HAUS6: variants seen among roughly 807,000 people sequenced by gnomAD.
HAUS6 encodes the protein HAUS augmin like complex subunit 6.
In HAUS6, 80 loss-of-function variants were observed where a neutral mutation model predicts 106.8. The observed-to-expected ratio is 0.75, with a 90% CI of 0.63 to 0.90. The LOEUF (loss-of-function observed/expected upper bound fraction) is 0.90, where lower values mean the gene tolerates loss of function less well. Ranked by LOEUF, HAUS6 falls within the 40% of genes least tolerant of loss-of-function variation. HAUS6 has a pLI of 0.00. For missense variants in HAUS6, 1,155 were observed against 1,118.1 expected (o/e 1.03, Z -0.47); for synonymous variants, 356 against 379.1 (o/e 0.94, Z 0.71).
chr9:19,087,605 T>C (rs2131143057), intron 5 of HAUS6, among the ~76,000 whole-genome samples: 1 of 152,214 alleles, frequency 6.6e-6, no homozygotes, highest in Admixed American at 6.5e-5. Flanking sequence ...CTGTAATGCC[T>C]ATATTTTGGG....
In HAUS6 at chr9:19,102,660, T is replaced by A. The variant is rs1378197812; in HGVS notation, c.-9A>T. The A allele has an allele frequency of 3.1e-6, 5 of 1,609,486 alleles. No homozygotes were observed. The East Asian group carries it at 9.0e-5, about 29-fold the overall frequency. ...ACCGAGGCCGAGCTCATCCTCGCGG[T>A]AGGCACGGTGGCTGCAAAGAAAGAA... On this transcript the variant is annotated 5_prime_UTR_variant, in exon 1 of 17. Coordinates refer to ENST00000380502, the MANE Select transcript of HAUS6 (RefSeq NM_017645.5).
At chr9:19,086,620 C>CAAA in intron 7 of HAUS6, 114 bp downstream of exon 7, 264 of 369,470 alleles carry the variant, frequency 7.1e-4, no homozygotes, top group South Asian at 1.2e-3. Flanking sequence ...ACTCCAACTC[C>CAAA]AAAAAAAAAA....
chr9:19,057,532 G>A (rs1379378650), intron 16 of HAUS6: 1 of 168,118 alleles, frequency 5.9e-6, no homozygotes, highest in Non-Finnish European at 1.3e-5. Flanking sequence ...ATGGTGCTTT[G>A]TTATGGCAGC....
At position 19,054,396 on chromosome 9, in the gene HAUS6, G is replaced by A. The variant is rs1836426124; in HGVS notation, c.*1947C>T. The A allele has an allele frequency of 6.6e-6, 1 of 152,170 alleles. No homozygotes were observed. Among genetic ancestry groups the A allele is most frequent in the African/African-American group, 2.4e-5 (1 of 41,424 alleles). 9.4% of individuals were successfully genotyped at this position (152,170 alleles called of 1,614,324 possible). A position where few individuals can be genotyped will look rare whatever the true frequency, so the allele number is the denominator to read the frequency against. On this transcript the variant is annotated 3_prime_UTR_variant, in exon 17 of 17. Coordinates refer to ENST00000380502, the MANE Select transcript of HAUS6 (RefSeq NM_017645.5). ...GTAACTATGTAGGAGATACTGGATA[G>A]GGAAAAGGCTGAAGGCAAAAAGCTG...
intron 4 of HAUS6, among the ~76,000 whole-genome samples, chr9:19,091,787 A>T (rs1018846803): frequency 4.6e-5 from 7 of 151,996 alleles, no homozygotes; most frequent in Admixed American, 6.6e-5. Context: ...TCAGCCTCCC[A>T]AGTAGCTGGG....
chr9:19,073,120 C>A (rs974920182), intron 11 of HAUS6, among the ~76,000 whole-genome samples: 1 of 151,796 alleles, frequency 6.6e-6, no homozygotes, highest in Non-Finnish European at 1.5e-5. Flanking sequence ...TAGTGATTAC[C>A]TCTGTGAAAT....
chr9:19,095,471 T>C (rs1001925177), intron 2 of HAUS6, among the ~76,000 whole-genome samples: 1 of 151,184 alleles, frequency 6.6e-6, no homozygotes, highest in African/African-American at 2.4e-5. Flanking sequence ...ATTTTCTGAA[T>C]TACTTAAAAT....
chr9:19,093,323 G>A lies in HAUS6; in HGVS notation c.304-20C>T. On this transcript the variant is annotated intron_variant, in intron 3 of 16. Coordinates refer to ENST00000380502, the MANE Select transcript of HAUS6 (RefSeq NM_017645.5). Reference sequence around the variant, plus strand: ...TTCACCCTATGAAGAAAAGAAATAAGATGATTTGAAGACCTTGTTAACAAT... The same window carrying A: ...TTCACCCTATGAAGAAAAGAAATAAAATGATTTGAAGACCTTGTTAACAAT... The A allele has an allele frequency of 6.3e-7, 1 of 1,585,864 alleles. No homozygotes were observed. Among genetic ancestry groups the A allele is most frequent in the Non-Finnish European group, 8.6e-7 (1 of 1,164,974 alleles).
chr9:19,070,405 A>G (rs1217534090), intron 11 of HAUS6, 105 bp from the exon 12 acceptor site: 1 of 671,640 alleles, frequency 1.5e-6, no homozygotes, highest in Non-Finnish European at 2.7e-6. Context: ...AGAAAACAGA[A>G]AAACCAAAAT....
intron 16 of HAUS6, 52 bp downstream of exon 16, chr9:19,057,909 G>A: frequency 9.4e-7 from 1 of 1,068,866 alleles, no homozygotes; most frequent in Non-Finnish European, 1.4e-6. Context: ...TTTATCAAAA[G>A]TTGAGAGAAA....
At chr9:19,063,970 A>ATTTTTT (rs34187338) in intron 12 of HAUS6, among the ~76,000 whole-genome samples, 1 of 135,796 alleles carries the variant, frequency 7.4e-6, no homozygotes, top group Non-Finnish European at 1.6e-5. Flanking sequence ...CCTTTATTTT[A>ATTTTTT]TTTTTTTTTT....
chr9:19,099,291 C>G (rs576740194), intron 1 of HAUS6, among the ~76,000 whole-genome samples: 60 of 151,618 alleles, frequency 4.0e-4, no homozygotes, highest in African/African-American at 1.4e-3. Flanking sequence ...CTCAGCCTCC[C>G]GAATAGCTGC....
In HAUS6 at chr9:19,056,361, C is replaced by CT; in HGVS notation, c.2849_2850insA (p.Ser951ValfsTer2). 6.5e-7 allele frequency: 1 copy of CT among 1,537,424 alleles called. No individual in the cohort carries two copies. The highest frequency in any genetic ancestry group is 9.0e-7 in the Non-Finnish European group (1 of 1,110,860). ...TACGTCTTCATCTTGTCAAGTCAGA[C>CT]GGTGGTTCTTTTGCATCAAGGCTCT... On this transcript the variant is annotated frameshift_variant, in exon 17 of 17. Coordinates refer to ENST00000380502, the MANE Select transcript of HAUS6 (RefSeq NM_017645.5). LOFTEE classifies it high-confidence loss of function.
At chr9:19,073,655 AAGAG>A (rs1836926150) in intron 11 of HAUS6, among the ~76,000 whole-genome samples, 1 of 151,662 alleles carries the variant, frequency 6.6e-6, no homozygotes, top group South Asian at 2.1e-4. Flanking sequence ...AAAAAAAAAA[AAGAG>A]AGAAATAATT....
At chr9:19,098,225 G>C (rs1403385378) in intron 1 of HAUS6, among the ~76,000 whole-genome samples, 2 of 152,162 alleles carry the variant, frequency 1.3e-5, no homozygotes, top group East Asian at 1.9e-4. Context: ...CAGATCATGA[G>C]TCAAGAGATT....
chr9:19,056,349 T>G lies in HAUS6; in HGVS notation c.2862A>C (p.Thr954=), dbSNP rs1836468829. Reference sequence around the variant, plus strand: ...ATATTAAATGGGTACGTCTTCATCTTGTCAAGTCAGACGGTGGTTCTTTTG... The same window carrying G: ...ATATTAAATGGGTACGTCTTCATCTGGTCAAGTCAGACGGTGGTTCTTTTG... ...LDAKEPPSDL[T]R The change falls in exon 17 of 17, where the codon ACA becomes ACC. Residue 954 remains threonine, a synonymous_variant. Coordinates refer to ENST00000380502, the MANE Select transcript of HAUS6 (RefSeq NM_017645.5). The G allele has an allele frequency of 6.9e-7, 1 of 1,453,580 alleles. No individual in the cohort carries two copies. Among genetic ancestry groups the G allele is most frequent in the East Asian group, 2.3e-5 (1 of 44,066 alleles). 90.0% of individuals were successfully genotyped at this position (1,453,580 alleles called of 1,614,324 possible). A position where few individuals can be genotyped will look rare whatever the true frequency, so the allele number is the denominator to read the frequency against.
intron 4 of HAUS6, among the ~76,000 whole-genome samples, chr9:19,092,175 C>T (rs1817763694): frequency 6.6e-6 from 1 of 151,798 alleles, no homozygotes; most frequent in African/African-American, 2.4e-5. Flanking sequence ...TATCAGTTGT[C>T]GCCGGGCACG....
Sources: allele counts gnomAD v4.1 joint callset (sites outside exome capture counted in the v4.1 genomes callset), GRCh38; gene constraint gnomAD v4.1.1; transcripts MANE v1.5; gene names NCBI Gene and HGNC (gene_info 2026-07-23, HGNC 2026-07-21).